Variants in CMIP observed in about 807,000 individuals in gnomAD.
CMIP encodes C-Maf-inducing protein.
Under a neutral mutation model 97.3 loss-of-function variants are expected in CMIP, and 13 were observed. The ratio of observed to expected loss-of-function variants is 0.13; its 90% CI spans 0.09 to 0.21. The LOEUF is 0.21. Among genes scored for constraint, CMIP ranks in the 10% least tolerant of loss-of-function variants. CMIP has a pLI of 1.00. For missense variants in CMIP, 847 were observed against 1,024.9 expected, an observed-to-expected ratio of 0.83 and a Z score of 2.37; for synonymous variants, 538 against 436.3, an observed-to-expected ratio of 1.23 and a Z score of -2.91.
intron 1 of CMIP, among the ~76,000 whole-genome samples, chr16:81,517,659 A>G (rs2089942596): frequency 6.6e-6 from 1 of 152,222 alleles, no homozygotes; most frequent in African/African-American, 2.4e-5. Flanking sequence ...GTAATAGGCC[A>G]TTATGAGAAA....
intron 1 of CMIP, among the ~76,000 whole-genome samples, chr16:81,452,136 G>A (rs1026646970): frequency 2.6e-5 from 4 of 152,198 alleles, no homozygotes; most frequent in African/African-American, 7.2e-5. Flanking sequence ...CACAGCGCTC[G>A]TCCTGGCATT....
chr16:81,701,855 A>G (rs1183732742), intron 16 of CMIP, 55 bp downstream of exon 16: 8 of 1,605,230 alleles, frequency 5.0e-6, no homozygotes, highest in Admixed American at 1.7e-5. Flanking sequence ...AGGGGGGGCC[A>G]GGGCGGGATG....
At chr16:81,572,087 G>A (rs1183636393) in intron 1 of CMIP, among the ~76,000 whole-genome samples, 1 of 152,210 alleles carries the variant, frequency 6.6e-6, no homozygotes, top group Non-Finnish European at 1.5e-5. Flanking sequence ...GTTCTGGCGC[G>A]TCCTTGGGCC....
chr16:81,539,769 G>A (rs897334950), intron 1 of CMIP, among the ~76,000 whole-genome samples: 6 of 152,120 alleles, frequency 3.9e-5, no homozygotes, highest in Non-Finnish European at 7.4e-5. Flanking sequence ...CTCATCTTCA[G>A]TGCCACCTCC....
intron 3 of CMIP, among the ~76,000 whole-genome samples, chr16:81,636,104 G>T (rs1203116786): frequency 1.3e-5 from 2 of 152,018 alleles, no homozygotes; most frequent in African/African-American, 4.8e-5. Context: ...TGTGTAACTG[G>T]GTTGTGGGTG....
chr16:81,657,355 G>T (rs1335169287), intron 4 of CMIP, among the ~76,000 whole-genome samples: 3 of 152,192 alleles, frequency 2.0e-5, no homozygotes, highest in Admixed American at 6.5e-5. Context: ...CACAGATTAG[G>T]ACTCTTGAAA....
chr16:81,674,586 C>G lies in CMIP; in HGVS notation c.1034+2516C>G, dbSNP rs145250411. Among the ~76,000 whole-genome samples the G allele has an allele frequency of 1.5e-4, 23 of 152,272 alleles. No homozygotes were observed. In the East Asian group the frequency reaches 4.4e-3, roughly 29 times the overall value. On this transcript the variant is annotated intron_variant, in intron 9 of 20. Coordinates refer to ENST00000537098, the MANE Select transcript of CMIP (RefSeq NM_198390.3). ...AAAGAAATTGGTAAACACTGCAGAT[C>G]AGGGCTTCTTTTTTTTTTGAGACAG... is the stretch of plus-strand genomic sequence containing the variant.
chr16:81,685,635 G>T (rs749960400), intron 10 of CMIP, among the ~76,000 whole-genome samples: 2 of 151,610 alleles, frequency 1.3e-5, no homozygotes, highest in Non-Finnish European at 2.9e-5. Flanking sequence ...GCCTCGAACT[G>T]CCAGGCTCAA....
chr16:81,638,392 T>A (rs541277284), intron 3 of CMIP, among the ~76,000 whole-genome samples: 6 of 152,204 alleles, frequency 3.9e-5, no homozygotes, highest in African/African-American at 1.4e-4. Flanking sequence ...CAGAGCATCT[T>A]GACACAGGAA....
intron 3 of CMIP, chr16:81,631,233 G>C (rs1433455777): frequency 2.0e-5 from 3 of 152,384 alleles, no homozygotes; most frequent in African/African-American, 7.2e-5. Flanking sequence ...ATTTGGTTAG[G>C]CCTGTCTTGA....
intron 1 of CMIP, among the ~76,000 whole-genome samples, chr16:81,456,395 A>G (rs1229434241): frequency 4.6e-5 from 7 of 152,242 alleles, no homozygotes; most frequent in African/African-American, 1.7e-4. Context: ...GCCTAACTCC[A>G]GAGCCAGTGG....
rs1027705253 is a variant in CMIP, at chr16:81,445,228, C to A, written c.-14C>A. On this transcript the variant is annotated 5_prime_UTR_variant, in exon 1 of 21. Coordinates refer to ENST00000537098, the MANE Select transcript of CMIP (RefSeq NM_198390.3). Reference sequence around the variant, plus strand: ...CCCCTCTCCCCGCCCCCAGCCCCCTCCCCCGGCGCGGCCATGGATGTGACC... The same window carrying A: ...CCCCTCTCCCCGCCCCCAGCCCCCTACCCCGGCGCGGCCATGGATGTGACC... 3 of 1,499,072 alleles carry A rather than the reference C, an allele frequency of 2.0e-6. No individual in the cohort carries two copies. The highest frequency in any genetic ancestry group is 2.5e-5 in the South Asian group (2 of 79,252). 92.9% of individuals were successfully genotyped at this position (1,499,072 alleles called of 1,614,324 possible).
At chr16:81,647,408 G>A (rs771756038) in intron 3 of CMIP, among the ~76,000 whole-genome samples, 24 of 152,128 alleles carry the variant, frequency 1.6e-4, no homozygotes, top group African/African-American at 5.1e-4. Context: ...TGGTCTCATC[G>A]AACAAAAACA....
At chr16:81,709,603 C>T (rs930567139) in intron 20 of CMIP, 143 bp from the exon 21 acceptor site, 1 of 859,002 alleles carries the variant, frequency 1.2e-6, no homozygotes, top group African/African-American at 1.7e-5. Context: ...ACCCACCCCT[C>T]CAAGAGCCCA....
At chr16:81,595,289 A>C (rs2091536089) in intron 1 of CMIP, among the ~76,000 whole-genome samples, 1 of 151,278 alleles carries the variant, frequency 6.6e-6, no homozygotes, top group African/African-American at 2.4e-5. Context: ...GTCTCTATGG[A>C]TTTGCCTATT....
At chr16:81,642,690 G>A (rs1386515871) in intron 3 of CMIP, among the ~76,000 whole-genome samples, 1 of 152,136 alleles carries the variant, frequency 6.6e-6, no homozygotes, top group South Asian at 2.1e-4. Context: ...GAGGTCAGGA[G>A]TTCGAGACCA....
rs1005904728 is a variant in CMIP at position 81,678,567 on chromosome 16, A to G, written c.1327A>G (p.Ile443Val). 1.9e-5 allele frequency: 31 copies of G among 1,608,258 alleles called. No individual in the cohort carries two copies. Among genetic ancestry groups the G allele is most frequent in the Middle Eastern group, 1.6e-4 (1 of 6,064 alleles). ...MVSPACSTMS[I>V]ELGPQADRTL... is the part of the protein sequence containing the mutation. ...CAGCCCCGCCTGCAGCACCATGAGCATCGAGCTGGGCCCCCAGGCCGACCG... is the reference window on the plus strand; with the variant it reads ...CAGCCCCGCCTGCAGCACCATGAGCGTCGAGCTGGGCCCCCAGGCCGACCG... The change falls in exon 10 of 21, where the codon ATC (isoleucine) becomes GTC (valine). Residue 443 changes from isoleucine (I) to valine (V), a missense_variant. Around this residue, in one of 4 missense-constraint regions of CMIP, gnomAD observed 202 missense variants for 168.7 expected, o/e 1.20. Coordinates refer to ENST00000537098, the MANE Select transcript of CMIP (RefSeq NM_198390.3).
At chr16:81,618,286 A>G (rs1311083714) in intron 2 of CMIP, among the ~76,000 whole-genome samples, 1 of 152,024 alleles carries the variant, frequency 6.6e-6, no homozygotes, top group East Asian at 1.9e-4. Flanking sequence ...GGCTGTCCGC[A>G]TTCCTTGGCT....
chr16:81,457,144 C>T (rs12596138), intron 1 of CMIP, among the ~76,000 whole-genome samples: 6,715 of 151,862 alleles, frequency 0.044, 381 homozygotes, highest in East Asian at 0.25. Flanking sequence ...CTTTGGCACA[C>T]GCCTCTTCTT....
Sources: allele counts gnomAD v4.1 joint callset (sites outside exome capture counted in the v4.1 genomes callset), GRCh38; gene constraint gnomAD v4.1.1; regional missense constraint gnomAD v4.1.1; transcripts MANE v1.5; gene names NCBI Gene and HGNC (gene_info 2026-07-23, HGNC 2026-07-21).